NOTCH4: variants seen among roughly 807,000 people sequenced by gnomAD.
NOTCH4 encodes the protein neurogenic locus notch homolog protein 4.
Under a neutral mutation model 189.0 loss-of-function variants are expected in NOTCH4, and 138 were observed. The ratio of observed to expected loss-of-function variants is 0.73; its 90% CI spans 0.64 to 0.84. The LOEUF (loss-of-function observed/expected upper bound fraction) is 0.84, where lower values mean the gene tolerates loss of function less well. Among genes scored for constraint, NOTCH4 ranks in the 40% least tolerant of loss-of-function variants. The pLI, the probability that NOTCH4 is intolerant of heterozygous loss-of-function variation, is 0.00. For missense variants in NOTCH4, 2,286 were observed against 2,605.4 expected (o/e 0.88, Z 2.67); for synonymous variants, 942 against 1,032.8 (o/e 0.91, Z 1.69).
At position 32,219,692 on chromosome 6, in the gene NOTCH4, G is replaced by A. The variant is rs1185815972; in HGVS notation, c.1410C>T (p.Ser470=). 2 of 1,613,118 alleles carry A rather than the reference G, an allele frequency of 1.2e-6. No homozygotes were observed. The highest frequency in any genetic ancestry group is 2.2e-5 in the South Asian group (2 of 91,054). ...NCLCPPGYTG[S]RCEADHNECL... is the part of the protein sequence containing the mutation. ...ACTCATTGTGATCAGCCTCACAACG[G>A]GAGCCTGTGTAGCCAGGTGGACAGA... is the stretch of plus-strand genomic sequence containing the variant. The change falls in exon 8 of 30, where the codon TCC becomes TCT. Residue 470 remains serine (S), a synonymous_variant. Coordinates refer to ENST00000375023, the MANE Select transcript of NOTCH4 (RefSeq NM_004557.4).
Position 32,221,422 on chromosome 6 carries a change from A to G in NOTCH4, c.452-97T>C. 1.2e-6 allele frequency: 1 copy of G among 829,938 alleles called. No individual in the cohort carries two copies. The highest frequency in any genetic ancestry group is 2.3e-4 in the Middle Eastern group (1 of 4,294). The allele number at this position is 829,938 out of a possible 1,614,324, so 51.4% of individuals were successfully genotyped here. A position where few individuals can be genotyped will look rare whatever the true frequency, so the allele number is the denominator to read the frequency against. ...TCACTCTGGATTATCTCTGGGTCTC[A>G]TTTTCATATTTCCTTCCCTTTATTA... On this transcript the variant is annotated intron_variant, in intron 3 of 29. Coordinates refer to ENST00000375023, the MANE Select transcript of NOTCH4 (RefSeq NM_004557.4). This position sits in a 1 kb window ranked among gnomAD's most constrained non-coding sequence, Gnocchi z 4.3.
In NOTCH4 at chr6:32,200,679, C is replaced by T. The variant is rs1788280062; in HGVS notation, c.4315+152G>A. Reference sequence around the variant, plus strand: ...AGAACAAATGGGCCAGTGGGAGATTCAGTTAGAGAAAGCGGGGTTAGGGAA... The same window carrying T: ...AGAACAAATGGGCCAGTGGGAGATTTAGTTAGAGAAAGCGGGGTTAGGGAA... On this transcript the variant is annotated intron_variant, in intron 23 of 29. Coordinates refer to ENST00000375023, the MANE Select transcript of NOTCH4 (RefSeq NM_004557.4). The surrounding 1 kb of genome is among the most constrained non-coding windows in gnomAD (Gnocchi z 5.0). The T allele has an allele frequency of 1.6e-6, 1 of 621,680 alleles. No homozygotes were observed. The highest frequency in any genetic ancestry group is 3.4e-5 in the Admixed American group (1 of 29,220). The allele number at this position is 621,680 out of a possible 1,614,324, so 38.5% of individuals were successfully genotyped here. A position where few individuals can be genotyped will look rare whatever the true frequency, so the allele number is the denominator to read the frequency against.
chr6:32,202,462 A>G lies in NOTCH4; in HGVS notation c.3369T>C (p.Pro1123=). Residue 1123 remains proline (P), a synonymous_variant, in exon 21 of 30, where the codon CCT becomes CCC. Coordinates refer to ENST00000375023, the MANE Select transcript of NOTCH4 (RefSeq NM_004557.4). The surrounding 1 kb of genome is among the most constrained non-coding windows in gnomAD (Gnocchi z 5.7). ...RCACLSGYGG[P]DCLTPPAPKG... ...TAGGAGCTGGTGGGGTCAGGCAGTC[A>G]GGACCCCCATAGCCACTGAGGCAGG... 6.2e-7 allele frequency: 1 copy of G among 1,612,468 alleles called. No homozygotes were observed. Among genetic ancestry groups the G allele is most frequent in the Non-Finnish European group, 8.5e-7 (1 of 1,179,760 alleles).
rs747938254 is a variant in NOTCH4 at position 32,212,524 on chromosome 6, G to C, written c.2630C>G (p.Pro877Arg). ...HCLCLQGWTG[P>R]LCNLPLSSCQ... ...GGAGGACAGTGGAAGGTTGCAGAGA[G>C]GCCCGGTCCATCCCTGGAGGCACAA... The change falls in exon 17 of 30, where the codon CCT becomes CGT. Residue 877 changes from proline to arginine, a missense_variant. This residue lies in a region of NOTCH4 where 1,903 missense variants were observed against 2,261.9 expected (regional missense o/e 0.84). Coordinates refer to ENST00000375023, the MANE Select transcript of NOTCH4 (RefSeq NM_004557.4). The surrounding 1 kb of genome is among the most constrained non-coding windows in gnomAD (Gnocchi z 4.4). 4 of 1,613,190 alleles carry C rather than the reference G, an allele frequency of 2.5e-6. No individual in the cohort carries two copies. The highest frequency in any genetic ancestry group is 2.5e-6 in the Non-Finnish European group (3 of 1,180,000).
At position 32,198,747 on chromosome 6, in the gene NOTCH4, G is replaced by A; in HGVS notation, c.4536-17C>T. The A allele has an allele frequency of 6.3e-7, 1 of 1,599,864 alleles. No homozygotes were observed. Among genetic ancestry groups the A allele is most frequent in the Non-Finnish European group, 8.5e-7 (1 of 1,174,126 alleles). On this transcript the variant is annotated splice_polypyrimidine_tract_variant and intron_variant, in intron 24 of 29. Coordinates refer to ENST00000375023, the MANE Select transcript of NOTCH4 (RefSeq NM_004557.4). This position sits in a 1 kb window ranked among gnomAD's most constrained non-coding sequence, Gnocchi z 5.5. ...TTCAGTGCCCTGGAAAGGAATGGGT[G>A]GGTAGAGGTTACACGGAATTATGAC...
chr6:32,199,224 T>C lies in NOTCH4; in HGVS notation c.4316-79A>G. 8.9e-7 allele frequency: 1 copy of C among 1,119,042 alleles called. No individual in the cohort carries two copies. The highest frequency in any genetic ancestry group is 1.2e-6 in the Non-Finnish European group (1 of 801,916). The allele number at this position is 1,119,042 out of a possible 1,614,324, so 69.3% of individuals were successfully genotyped here. A position where few individuals can be genotyped will look rare whatever the true frequency, so the allele number is the denominator to read the frequency against. On this transcript the variant is annotated intron_variant, in intron 23 of 29. Coordinates refer to ENST00000375023, the MANE Select transcript of NOTCH4 (RefSeq NM_004557.4). The surrounding 1 kb of genome is among the most constrained non-coding windows in gnomAD (Gnocchi z 4.9). ...CTATTGGGAGACCTTTGGACAAGTT[T>C]AGTAGCCGGTCTTTGCCTCGGTTTC...
Position 32,198,370 on chromosome 6 carries a change from T to C in NOTCH4, c.4756+51A>G. 4 of 1,555,194 alleles carry C rather than the reference T, an allele frequency of 2.6e-6. No homozygotes were observed. The highest frequency in any genetic ancestry group is 2.6e-6 in the Non-Finnish European group (3 of 1,152,268). ...ATATTAAAGGACTCTCTGATTCTAATAGGGTCAAAGGACTTTTTTTTTTTT... is the reference window on the plus strand; with the variant it reads ...ATATTAAAGGACTCTCTGATTCTAACAGGGTCAAAGGACTTTTTTTTTTTT... On this transcript the variant is annotated intron_variant, in intron 26 of 29. Transcript: ENST00000375023. The surrounding 1 kb of genome is among the most constrained non-coding windows in gnomAD (Gnocchi z 5.5).
At position 32,223,104 on chromosome 6, in the gene NOTCH4, G is replaced by A. The variant is rs199630709; in HGVS notation, c.74-18C>T. The A allele has an allele frequency of 7.7e-5, 123 of 1,605,448 alleles. No individual in the cohort carries two copies. Among genetic ancestry groups the A allele is most frequent in the Non-Finnish European group, 5.2e-5 (61 of 1,172,472 alleles). On this transcript the variant is annotated intron_variant, in intron 1 of 29. Coordinates refer to ENST00000375023, the MANE Select transcript of NOTCH4 (RefSeq NM_004557.4). ...CAGCAGCCCTGAGGGTGGAGAGGCA[G>A]GCGCAATGGAAGCCCTGGGTGCTGT...
Position 32,220,218 on chromosome 6 carries a change from G to T in NOTCH4, c.1226C>A (p.Thr409Asn). The change falls in exon 7 of 30, where the codon ACC becomes AAC. Residue 409 changes from threonine (T) to asparagine (N), a missense_variant. Physicochemically the swap from Thr to Asn is moderately conservative, Grantham distance 65 (BLOSUM62 0). Coordinates refer to ENST00000375023, the MANE Select transcript of NOTCH4 (RefSeq NM_004557.4). ...GAGTGTGGAGCCTGTGAGGGGGTTGGTGCTGCATTGGGCATCCCCATGGCA... is the reference window on the plus strand; with the variant it reads ...GAGTGTGGAGCCTGTGAGGGGGTTGTTGCTGCATTGGGCATCCCCATGGCA... Reference protein sequence around the residue: ...QPCHGDAQCSTNPLTGSTLCL... With the variant: ...QPCHGDAQCSNNPLTGSTLCL... 1 of 1,613,854 alleles carries T rather than the reference G, an allele frequency of 6.2e-7. No individual in the cohort carries two copies. Among genetic ancestry groups the T allele is most frequent in the African/African-American group, 1.3e-5 (1 of 74,988 alleles).
At position 32,202,649 on chromosome 6, in the gene NOTCH4, C is replaced by T. The variant is rs775447127; in HGVS notation, c.3232-50G>A. On this transcript the variant is annotated intron_variant, in intron 20 of 29. Coordinates refer to ENST00000375023, the MANE Select transcript of NOTCH4 (RefSeq NM_004557.4). The surrounding 1 kb of genome is among the most constrained non-coding windows in gnomAD (Gnocchi z 5.7). The stretch of plus-strand genomic sequence containing the variant: ...GAGATGCAACTTGCATTATTCTTCC[C>T]GCTCTCCATCAAGCAAACTCTTGGG... 18 of 1,506,502 alleles carry T rather than the reference C, an allele frequency of 1.2e-5. No individual in the cohort carries two copies. The highest frequency in any genetic ancestry group is 2.8e-5 in the African/African-American group (2 of 71,706). 93.3% of individuals were successfully genotyped at this position (1,506,502 alleles called of 1,614,324 possible).
chr6:32,223,936 C>G lies in NOTCH4; in HGVS notation c.-8G>C, dbSNP rs1053442058. On this transcript the variant is annotated 5_prime_UTR_variant, in exon 1 of 30. Coordinates refer to ENST00000375023, the MANE Select transcript of NOTCH4 (RefSeq NM_004557.4). The stretch of plus-strand genomic sequence containing the variant: ...CAGTGAAGGGGGCTGCATTCCACAG[C>G]CCCTTCTCCAAGCCCCGGTCCCTGT... The G allele has an allele frequency of 6.3e-7, 1 of 1,596,498 alleles. No homozygotes were observed. Among genetic ancestry groups the G allele is most frequent in the African/African-American group, 1.3e-5 (1 of 74,408 alleles).
chr6:32,204,728 C>T (rs143394680), intron 18 of NOTCH4, among the ~76,000 whole-genome samples: 1 of 152,298 alleles, frequency 6.6e-6, no homozygotes, highest in African/African-American at 2.4e-5. Flanking sequence ...TATTGAGTGC[C>T]TACTTTGTGT....
At position 32,201,941 on chromosome 6, in the gene NOTCH4, T is replaced by C. The variant is rs1317147951; in HGVS notation, c.3755+135A>G. 2.5e-6 allele frequency: 2 copies of C among 792,354 alleles called. No homozygotes were observed. The highest frequency in any genetic ancestry group is 3.5e-6 in the Non-Finnish European group (2 of 563,496). The allele number at this position is 792,354 out of a possible 1,614,324, so 49.1% of individuals were successfully genotyped here. ...GAGTCCAGAGTCTTCGACCCCTGTTTAGTGATGGTTATTAGGGTGGAAACT... is the reference window on the plus strand; with the variant it reads ...GAGTCCAGAGTCTTCGACCCCTGTTCAGTGATGGTTATTAGGGTGGAAACT... On this transcript the variant is annotated intron_variant, in intron 21 of 29. Transcript: ENST00000375023. This position sits in a 1 kb window ranked among gnomAD's most constrained non-coding sequence, Gnocchi z 5.5.
Position 32,222,484 on chromosome 6 carries a change from C to A in NOTCH4, c.451+27G>T. 5 of 1,495,234 alleles carry A rather than the reference C, an allele frequency of 3.3e-6. No individual in the cohort carries two copies. In the South Asian group the frequency reaches 4.2e-5, roughly 13 times the overall value. The allele number at this position is 1,495,234 out of a possible 1,614,324, so 92.6% of individuals were successfully genotyped here. On this transcript the variant is annotated intron_variant, in intron 3 of 29. Coordinates refer to ENST00000375023, the MANE Select transcript of NOTCH4 (RefSeq NM_004557.4). ...CTAGCCCATTGCTCCTGCCTGTCCC[C>A]TCCTGGCTGCCCCCAGCAGCGCTTA...
At chr6:32,207,952 C>A (rs1488057411) in intron 18 of NOTCH4, among the ~76,000 whole-genome samples, 1 of 143,868 alleles carries the variant, frequency 7.0e-6, no homozygotes, top group African/African-American at 2.6e-5. Context: ...TGCAGTGAGT[C>A]AAATTTGCGC....
Position 32,202,784 on chromosome 6 carries a change from A to T in NOTCH4, c.3232-185T>A. 1.8e-6 allele frequency: 1 copy of T among 566,422 alleles called. No individual in the cohort carries two copies. The highest frequency in any genetic ancestry group is 2.7e-5 in the South Asian group (1 of 36,872). 35.1% of individuals were successfully genotyped at this position (566,422 alleles called of 1,614,324 possible). On this transcript the variant is annotated intron_variant, in intron 20 of 29. Transcript: ENST00000375023. This position sits in a 1 kb window ranked among gnomAD's most constrained non-coding sequence, Gnocchi z 5.7. ...ACCATGTCCTGTGGTAATTTCACAC[A>T]ATGACATATTACATTCTGTTGAAAA...
chr6:32,208,114 A>G (rs1316749810), intron 18 of NOTCH4, among the ~76,000 whole-genome samples: 1 of 152,178 alleles, frequency 6.6e-6, no homozygotes, highest in African/African-American at 2.4e-5. Flanking sequence ...ACAACAGACA[A>G]ATGTGATTAC....
rs3131286 is a variant in NOTCH4 at position 32,213,185 on chromosome 6, G to T, written c.2388C>A (p.Gly796=). 7 of 1,613,900 alleles carry T rather than the reference G, an allele frequency of 4.3e-6. No homozygotes were observed. Among genetic ancestry groups the T allele is most frequent in the Non-Finnish European group, 5.9e-6 (7 of 1,179,934 alleles). The change falls in exon 15 of 30, where the codon GGC becomes GGA. Residue 796 remains glycine, a synonymous_variant. Transcript: ENST00000375023. ...PGTFSCLCAM[G]FQGPRCEGKL... ...TTCCCTCACAGCGCGGGCCCTGGAA[G>T]CCCATGGCACAGAGGCAGGAGAAGG...
rs2127488250 is a variant in NOTCH4, at chr6:32,220,780, A to G, written c.898T>C (p.Cys300Arg). The G allele has an allele frequency of 6.2e-7, 1 of 1,614,176 alleles. No homozygotes were observed. The highest frequency in any genetic ancestry group is 2.2e-5 in the East Asian group (1 of 44,884). ...CCTGTCCAGGTTTCTGGGCAGAGGC[A>G]GGTGTAGGTGTCCAGCCCATCCTGG... ...TCQDGLDTYT[C>R]LCPETWTGWD... is the part of the protein sequence containing the mutation. The change falls in exon 5 of 30, where the codon TGC (cysteine) becomes CGC (arginine). Residue 300 changes from cysteine (C) to arginine (R), a missense_variant. Physicochemically the swap from Cys to Arg is radical, Grantham distance 180. Coordinates refer to ENST00000375023, the MANE Select transcript of NOTCH4 (RefSeq NM_004557.4).
Sources: gnomAD v4.1 joint callset for allele counts (sites outside exome capture counted in the v4.1 genomes callset) on GRCh38, gnomAD v4.1.1 for gene constraint, gnomAD v4.1.1 regional missense constraint, Gnocchi (gnomAD v3.1) non-coding constraint, MANE v1.5 for transcripts, NCBI Gene and HGNC (gene_info 2026-07-23, HGNC 2026-07-21) for gene names.